CYSLTR1: variants seen among roughly 807,000 people sequenced by gnomAD.
The protein encoded by CYSLTR1 is G-protein coupled receptor HG55.
In CYSLTR1, 1 loss-of-function variant was observed where a neutral mutation model predicts 2.1. That is an observed-to-expected ratio of 0.48 (90% CI 0.17 to 2.28). The LOEUF (loss-of-function observed/expected upper bound fraction) is 2.28. Ranked by LOEUF, CYSLTR1 falls within the 30% of genes most tolerant of loss-of-function variation. The probability of loss-of-function intolerance (pLI) is 0.26; values close to 1 mark genes in which losing one functional copy is unlikely to be tolerated. For missense variants in CYSLTR1, 299 were observed against 250.1 expected (o/e 1.20, Z -1.32); for synonymous variants, 110 against 89.6 (o/e 1.23, Z -1.28).
At chrX:78,312,713 A>G (rs1923264524) in intron 1 of CYSLTR1, among the ~76,000 whole-genome samples, 1 of 112,469 alleles carries the variant, frequency 8.9e-6, no homozygotes, top group South Asian at 3.6e-4. Context: ...AACATAAAAA[A>G]TACTCAACAT....
chrX:78,288,623 G>A (rs1359257185), intron 1 of CYSLTR1, among the ~76,000 whole-genome samples: 1 of 111,710 alleles, frequency 9.0e-6, no homozygotes, highest in African/African-American at 3.3e-5. Context: ...TACATGAAAT[G>A]TTTTGATACA....
chrX:78,273,968 T>C (rs1180167440), intron 2 of CYSLTR1, among the ~76,000 whole-genome samples, 195 bp from the exon 3 acceptor site: 1 of 109,449 alleles, frequency 9.1e-6, no homozygotes, highest in Non-Finnish European at 1.9e-5. Flanking sequence ...TCCAGAAAAC[T>C]TTTTTTTTGT....
intron 1 of CYSLTR1, among the ~76,000 whole-genome samples, chrX:78,287,982 G>A (rs753410769): frequency 4.5e-5 from 5 of 110,384 alleles, no homozygotes; most frequent in Non-Finnish European, 9.5e-5. Flanking sequence ...GGACATGAAT[G>A]GTAAGATAAT....
intron 1 of CYSLTR1, among the ~76,000 whole-genome samples, chrX:78,293,238 G>T (rs943296704): frequency 9.1e-6 from 1 of 109,850 alleles, no homozygotes; most frequent in Admixed American, 9.7e-5. Flanking sequence ...TACTTATGAA[G>T]CTTAGTTTGG....
In CYSLTR1 at chrX:78,273,123, A is replaced by G. The variant is rs144735906; in HGVS notation, c.624T>C (p.Cys208=). ...GTAAGGTCAAAATGATCATTGTGTAACAGACAATTATAATAACAAAAGGGA... is the reference window on the plus strand; with the variant it reads ...GTAAGGTCAAAATGATCATTGTGTAGCAGACAATTATAATAACAAAAGGGA... ...FIIPFVIIIV[C]YTMIILTLLK... Residue 208 remains cysteine (C), a synonymous_variant, in exon 3 of 3, where the codon TGT becomes TGC. Transcript: ENST00000373304. 158 of 1,207,020 alleles carry G rather than the reference A, an allele frequency of 1.3e-4. No homozygotes were observed. In the East Asian group the frequency reaches 4.5e-3, roughly 35 times the overall value.
At chrX:78,321,906 G>A (rs780441270) in intron 1 of CYSLTR1, among the ~76,000 whole-genome samples, 5 of 111,120 alleles carry the variant, frequency 4.5e-5, no homozygotes, top group South Asian at 7.6e-4. Flanking sequence ...TAAGTTATAC[G>A]CCTGCCAAGA....
intron 1 of CYSLTR1, among the ~76,000 whole-genome samples, chrX:78,286,064 G>A (rs536187573): frequency 2.7e-5 from 3 of 111,989 alleles, no homozygotes; most frequent in East Asian, 5.6e-4. Flanking sequence ...ATAAGGAAGA[G>A]GATACTTTTT....
intron 1 of CYSLTR1, chrX:78,321,122 C>G: frequency 1.0e-5 from 1 of 96,318 alleles, no homozygotes; most frequent in East Asian, 3.3e-4. Flanking sequence ...TGTCTAGGAT[C>G]AGAGGAAGGA....
At position 78,273,394 on chromosome X, in the gene CYSLTR1, C is replaced by A; in HGVS notation, c.353G>T (p.Ser118Ile). 2 of 1,211,379 alleles carry A rather than the reference C, an allele frequency of 1.7e-6. No homozygotes were observed. Among genetic ancestry groups the A allele is most frequent in the Non-Finnish European group, 2.2e-6 (2 of 895,405 alleles). ...AACAATTGCAATGCACCGGAAAAAG[C>A]TCATGGCTGTCATAAAGAAGATGCT... The part of the protein sequence containing the change: ...YCSIFFMTAM[S>I]FFRCIAIVFP... Residue 118 changes from serine to isoleucine, a missense_variant, in exon 3 of 3, where the codon AGC becomes ATC. Ser to Ile is a moderately radical substitution (Grantham distance 142, BLOSUM62 -2). Coordinates refer to ENST00000373304, the MANE Select transcript of CYSLTR1 (RefSeq NM_006639.4).
intron 1 of CYSLTR1, among the ~76,000 whole-genome samples, chrX:78,314,790 A>G (rs1923346088): frequency 9.1e-6 from 1 of 109,695 alleles, no homozygotes; most frequent in African/African-American, 3.3e-5. Context: ...ATGCCTTGCC[A>G]CCAGGGGTAA....
chrX:78,291,423 TC>T (rs1439690159), intron 1 of CYSLTR1, among the ~76,000 whole-genome samples: 1 of 111,403 alleles, frequency 9.0e-6, no homozygotes, highest in Non-Finnish European at 1.9e-5. Flanking sequence ...AATCTTTTTT[TC>T]TTTTTTTTTG....
chrX:78,323,372 T>A (rs1404261634), intron 1 of CYSLTR1, among the ~76,000 whole-genome samples: 2 of 111,835 alleles, frequency 1.8e-5, no homozygotes, highest in East Asian at 5.6e-4. Context: ...GATTGCTTTT[T>A]ATTTAAGGCC....
chrX:78,293,866 A>G (rs1490003649), intron 1 of CYSLTR1, among the ~76,000 whole-genome samples: 1 of 111,154 alleles, frequency 9.0e-6, no homozygotes, highest in African/African-American at 3.3e-5. Context: ...TCTTTTTTCT[A>G]GTTAGCCATT....
At chrX:78,273,859 T>A in intron 2 of CYSLTR1, 86 bp from the exon 3 acceptor site, 2 of 834,834 alleles carry the variant, frequency 2.4e-6, no homozygotes, top group Non-Finnish European at 3.3e-6. Context: ...TGTCACTATG[T>A]ATACTTTTTG....
intron 1 of CYSLTR1, among the ~76,000 whole-genome samples, chrX:78,288,216 T>A: frequency 9.2e-6 from 1 of 108,723 alleles, no homozygotes; most frequent in East Asian, 2.9e-4. Context: ...AAAAAAAAAA[T>A]AAGGTGCCAA....
intron 1 of CYSLTR1, among the ~76,000 whole-genome samples, chrX:78,306,649 C>T (rs1340712930): frequency 9.0e-6 from 1 of 111,449 alleles, no homozygotes; most frequent in Non-Finnish European, 1.9e-5. Context: ...AGTCTTTGTC[C>T]AAGATTGGTC....
At chrX:78,302,334 G>A (rs1357973977) in intron 1 of CYSLTR1, among the ~76,000 whole-genome samples, 2 of 111,426 alleles carry the variant, frequency 1.8e-5, no homozygotes, top group Admixed American at 9.5e-5. Flanking sequence ...GCCCAGGGAA[G>A]GTCCAGAAAT....
At chrX:78,294,879 A>G (rs1169974978) in intron 1 of CYSLTR1, among the ~76,000 whole-genome samples, 1 of 112,768 alleles carries the variant, frequency 8.9e-6, no homozygotes, top group Non-Finnish European at 1.9e-5. Flanking sequence ...TTCCAGGTAC[A>G]GTCTGTCACA....
intron 2 of CYSLTR1, among the ~76,000 whole-genome samples, chrX:78,280,014 T>C (rs1921767861): frequency 9.0e-6 from 1 of 110,735 alleles, no homozygotes; most frequent in Non-Finnish European, 1.9e-5. Flanking sequence ...ACTCACTACC[T>C]CAGTGATGGA....
Sources: gnomAD v4.1 joint callset for allele counts (sites outside exome capture counted in the v4.1 genomes callset) on GRCh38, gnomAD v4.1.1 for gene constraint, MANE v1.5 for transcripts, NCBI Gene and HGNC (gene_info 2026-07-23, HGNC 2026-07-21) for gene names.